The following CEP78 variants were observed in gnomAD, a reference collection of about 807,000 sequenced individuals.
The protein encoded by CEP78 is centrosomal protein 78.
In CEP78, 76 loss-of-function variants were observed where a neutral mutation model predicts 81.2. The observed-to-expected ratio is 0.94, with a 90% CI of 0.78 to 1.13. The LOEUF (loss-of-function observed/expected upper bound fraction) is 1.13. CEP78 is among the 50% of genes most tolerant of loss of function. The pLI is 0.00. For missense variants in CEP78, 918 were observed against 846.8 expected (o/e 1.08, Z -1.04); for synonymous variants, 293 against 301.4 (o/e 0.97, Z 0.29).
rs1827747418 is a variant in CEP78 at position 78,273,745 on chromosome 9, C to G, written c.*2894C>G. 6.6e-6 allele frequency: 1 copy of G among 152,174 alleles called. No individual in the cohort carries two copies. Among genetic ancestry groups the G allele is most frequent in the African/African-American group, 2.4e-5 (1 of 41,422 alleles). 9.4% of individuals were successfully genotyped at this position (152,174 alleles called of 1,614,324 possible). A position where few individuals can be genotyped will look rare whatever the true frequency, so the allele number is the denominator to read the frequency against. ...CTGGGCCATAGAGGAGACTCCGTCT[C>G]AAACAAACAAAAACCTTCATCTTAA... is the stretch of plus-strand genomic sequence containing the variant. On this transcript the variant is annotated 3_prime_UTR_variant, in exon 17 of 17. Transcript: ENST00000643273.
chr9:78,275,160 T>G lies in CEP78; in HGVS notation c.*4309T>G, dbSNP rs1005341189. ...TTATGAGCACTTTTATAATTTACTA[T>G]AAATAATTGTGTAGTGTTAAACCAA... On this transcript the variant is annotated 3_prime_UTR_variant, in exon 17 of 17. Transcript: ENST00000643273. The G allele has an allele frequency of 1.3e-5, 2 of 152,228 alleles. No individual in the cohort carries two copies. The allele number at this position is 152,228 out of a possible 1,614,324, so 9.4% of individuals were successfully genotyped here. A position where few individuals can be genotyped will look rare whatever the true frequency, so the allele number is the denominator to read the frequency against.
At chr9:78,262,611 T>C (rs979137181) in intron 11 of CEP78, among the ~76,000 whole-genome samples, 1 of 152,178 alleles carries the variant, frequency 6.6e-6, no homozygotes, top group Non-Finnish European at 1.5e-5. Flanking sequence ...GAATTTCTTT[T>C]TCATAGCCTT....
In CEP78 at chr9:78,241,727, T is replaced by C. The variant is rs1826240052; in HGVS notation, c.531T>C (p.Thr177=). 3.1e-6 allele frequency: 5 copies of C among 1,607,204 alleles called. No homozygotes were observed. The East Asian group carries it at 1.1e-4, about 36-fold the overall frequency. Reference sequence around the variant, plus strand: ...GTCAAGGTATAAAGAGCTCTATCACTCTTAAGACAGTCAACTTCACAGGAT... The same window carrying C: ...GTCAAGGTATAAAGAGCTCTATCACCCTTAAGACAGTCAACTTCACAGGAT... The part of the protein sequence containing the change: ...IICQGIKSSI[T]LKTVNFTGCN... The change falls in exon 4 of 17, where the codon ACT becomes ACC. Residue 177 remains threonine (T), a synonymous_variant. Transcript: ENST00000643273.
At position 78,270,370 on chromosome 9, in the gene CEP78, G is replaced by A. The variant is rs936600696; in HGVS notation, c.2108-471G>A. Among the ~76,000 whole-genome samples, 6 of 152,310 alleles carry A rather than the reference G, an allele frequency of 3.9e-5. No homozygotes were observed. In the East Asian group the frequency reaches 1.2e-3, roughly 29 times the overall value. ...AATATATACAATTTTAGCCCTGCAA[G>A]TAATTGTTAAACTTTCAATATACCT... On this transcript the variant is annotated intron_variant, in intron 16 of 16. Coordinates refer to ENST00000643273, the MANE Select transcript of CEP78 (RefSeq NM_001330691.3).
rs1373627015 is a variant in CEP78 at position 78,240,942 on chromosome 9, G to A, written c.499+578G>A. On this transcript the variant is annotated intron_variant, in intron 3 of 16. Coordinates refer to ENST00000643273, the MANE Select transcript of CEP78 (RefSeq NM_001330691.3). ...CACACCACTGCACTCTAGCCTGGGC[G>A]ATAGAGCAAGACTCCGTCTCAAAAA... Among the ~76,000 whole-genome samples the A allele has an allele frequency of 2.7e-5, 4 of 150,784 alleles. 1 individual carries two copies. Among genetic ancestry groups the A allele is most frequent in the African/African-American group, 4.9e-5 (2 of 40,906 alleles).
intron 11 of CEP78, among the ~76,000 whole-genome samples, chr9:78,255,979 C>T (rs1165429162): frequency 6.6e-6 from 1 of 152,192 alleles, no homozygotes; most frequent in Non-Finnish European, 1.5e-5. Flanking sequence ...ATTCAAGATG[C>T]ACTGAGAATT....
At chr9:78,269,355 G>T (rs1420493373) in intron 16 of CEP78, among the ~76,000 whole-genome samples, 1 of 152,202 alleles carries the variant, frequency 6.6e-6, no homozygotes, top group Non-Finnish European at 1.5e-5. Flanking sequence ...TTTGGAGCAG[G>T]TTGAACACAT....
Position 78,251,991 on chromosome 9 carries a change from G to T in CEP78, c.1153G>T (p.Gly385Cys). The change falls in exon 9 of 17, where the codon GGT becomes TGT. Residue 385 changes from glycine to cysteine, a missense_variant. Coordinates refer to ENST00000643273, the MANE Select transcript of CEP78 (RefSeq NM_001330691.3). ...TTATGCGCCCGCACCTCTTCCACCTGGTGTGTCTGGTTTCTTGCCGTGGCG... is the reference window on the plus strand; with the variant it reads ...TTATGCGCCCGCACCTCTTCCACCTTGTGTGTCTGGTTTCTTGCCGTGGCG... ...EYYAPAPLPP[G>C]VSGFLPWRTA... is the part of the protein sequence containing the mutation. 1 of 1,606,512 alleles carries T rather than the reference G, an allele frequency of 6.2e-7. No individual in the cohort carries two copies. Among genetic ancestry groups the T allele is most frequent in the Non-Finnish European group, 8.5e-7 (1 of 1,174,718 alleles).
chr9:78,252,230 T>C (rs886554460), intron 9 of CEP78, among the ~76,000 whole-genome samples, 187 bp downstream of exon 9: 1 of 152,158 alleles, frequency 6.6e-6, no homozygotes, highest in South Asian at 2.1e-4. Context: ...TTTCAAGTTA[T>C]TAAGTGTCAC....
intron 9 of CEP78, 56 bp downstream of exon 9, chr9:78,252,099 A>G: frequency 6.9e-7 from 1 of 1,447,898 alleles, no homozygotes; most frequent in Non-Finnish European, 9.4e-7. Context: ...AAAATTCTTT[A>G]TTTTGGAGCT....
At chr9:78,259,223 T>C (rs755671142) in intron 11 of CEP78, among the ~76,000 whole-genome samples, 2 of 152,232 alleles carry the variant, frequency 1.3e-5, no homozygotes, top group East Asian at 1.9e-4. Flanking sequence ...GAAGTGTGCA[T>C]TCACTATGAT....
At chr9:78,254,680 C>A (rs1450004874) in intron 10 of CEP78, 156 bp from the exon 11 acceptor site, 1 of 395,760 alleles carries the variant, frequency 2.5e-6, no homozygotes, top group African/African-American at 2.1e-5. Context: ...AAGTTAGTGT[C>A]TTTTTACTTT....
At position 78,246,749 on chromosome 9, in the gene CEP78, G is replaced by T. The variant is rs527535007; in HGVS notation, c.859G>T (p.Val287Phe). The T allele has an allele frequency of 1.4e-5, 22 of 1,608,884 alleles. No individual in the cohort carries two copies. The South Asian group carries it at 2.0e-4, about 15-fold the overall frequency. The stretch of plus-strand genomic sequence containing the variant: ...GGCCCTTGAAACCAATACAACTCTG[G>T]TCGTTCTGGATATAAGAAAAAATCC... ...LEALETNTTLVVLDIRKNPLI... is the reference protein window; with the variant it reads ...LEALETNTTLFVLDIRKNPLI... Residue 287 changes from valine (V) to phenylalanine (F), a missense_variant, in exon 6 of 17, where the codon GTC (valine) becomes TTC (phenylalanine). Val to Phe is a conservative substitution (Grantham distance 50). Coordinates refer to ENST00000643273, the MANE Select transcript of CEP78 (RefSeq NM_001330691.3).
In CEP78 at chr9:78,239,402, C is replaced by T. The variant is rs147017920; in HGVS notation, c.254-621C>T. ...GTGTATTGGTTGCTTGTGTTCTGCACAGAGGCACTGAAATCTCAGCTGTGT... is the reference window on the plus strand; with the variant it reads ...GTGTATTGGTTGCTTGTGTTCTGCATAGAGGCACTGAAATCTCAGCTGTGT... On this transcript the variant is annotated intron_variant, in intron 1 of 16. Transcript: ENST00000643273. Among the ~76,000 whole-genome samples the T allele has an allele frequency of 6.6e-3, 1,013 of 152,334 alleles. 9 individuals are homozygous for T. The highest frequency in any genetic ancestry group is 0.031 in the Middle Eastern group (9 of 294).
intron 7 of CEP78, among the ~76,000 whole-genome samples, 160 bp downstream of exon 7, chr9:78,248,515 G>T (rs138367979): frequency 2.0e-3 from 303 of 152,202 alleles, no homozygotes; most frequent in African/African-American, 6.5e-3. Flanking sequence ...ATATCGTTGT[G>T]CCCAGCTTTT....
intron 8 of CEP78, 79 bp from the exon 9 acceptor site, chr9:78,251,829 T>C (rs1826773876): frequency 1.7e-5 from 22 of 1,298,602 alleles, no homozygotes; most frequent in Non-Finnish European, 2.3e-5. Flanking sequence ...TGTATTCTTT[T>C]AAGAGTATGC....
At chr9:78,266,077 C>T (rs1827515151) in intron 15 of CEP78, among the ~76,000 whole-genome samples, 171 bp downstream of exon 15, 1 of 152,236 alleles carries the variant, frequency 6.6e-6, no homozygotes, top group East Asian at 1.9e-4. Context: ...GCCATCTCAG[C>T]CAGTCTCAGA....
At chr9:78,266,915 A>C in intron 16 of CEP78, 1 of 1,427,766 alleles carries the variant, frequency 7.0e-7, no homozygotes, top group Non-Finnish European at 9.1e-7. Context: ...ATAAAAGTAA[A>C]TCCAGTCCAC....
At chr9:78,262,536 A>G (rs189837871) in intron 11 of CEP78, among the ~76,000 whole-genome samples, 5 of 152,236 alleles carry the variant, frequency 3.3e-5, no homozygotes, top group African/African-American at 9.6e-5. Flanking sequence ...TTGCTGTTAC[A>G]TAATTCAGGT....
Sources: allele counts gnomAD v4.1 joint callset (sites outside exome capture counted in the v4.1 genomes callset), GRCh38; gene constraint gnomAD v4.1.1; transcripts MANE v1.5; gene names NCBI Gene and HGNC (gene_info 2026-07-23, HGNC 2026-07-21).